RUSC2: variants seen among roughly 807,000 people sequenced by gnomAD.
RUSC2 encodes AP-4 complex accessory subunit RUSC2.
In RUSC2, 34 loss-of-function variants were observed where a neutral mutation model predicts 122.2. The ratio of observed to expected loss-of-function variants is 0.28; its 90% CI spans 0.21 to 0.37. The LOEUF (loss-of-function observed/expected upper bound fraction) is 0.37. Ranked by LOEUF, RUSC2 falls within the 10% of genes least tolerant of loss-of-function variation. The pLI, the probability that RUSC2 is intolerant of heterozygous loss-of-function variation, is 1.00. For synonymous variants in RUSC2, 784 were observed against 790.0 expected, an observed-to-expected ratio of 0.99 and a Z score of 0.13; for missense variants, 1,747 against 1,952.4, an observed-to-expected ratio of 0.89 and a Z score of 1.98.
intron 1 of RUSC2, among the ~76,000 whole-genome samples, chr9:35,493,723 G>C (rs10972494): frequency 0.17 from 26,480 of 151,912 alleles, 2,863 homozygotes; most frequent in East Asian, 0.34. Context: ...GGCTGGTCTC[G>C]AACTTCTGAC....
At chr9:35,499,674 T>C (rs1166798258) in intron 1 of RUSC2, among the ~76,000 whole-genome samples, 1 of 152,242 alleles carries the variant, frequency 6.6e-6, no homozygotes, top group Non-Finnish European at 1.5e-5. Context: ...TTAATTTATC[T>C]GTTTTTATAC....
intron 1 of RUSC2, among the ~76,000 whole-genome samples, chr9:35,519,142 G>A (rs1389842647): frequency 1.3e-5 from 2 of 152,204 alleles, no homozygotes; most frequent in East Asian, 1.9e-4. Context: ...CTTGCTTCCC[G>A]TAGAATCCAA....
In RUSC2 at chr9:35,555,310, C is replaced by A; in HGVS notation, c.2265C>A (p.Pro755=). The A allele has an allele frequency of 6.2e-7, 1 of 1,614,092 alleles. No individual in the cohort carries two copies. The change falls in exon 3 of 12, where the codon CCC becomes CCA. Residue 755 remains proline, a synonymous_variant. Transcript: ENST00000361226. The surrounding 1 kb of genome is among the most constrained non-coding windows in gnomAD (Gnocchi z 4.6). ...APSGEPQAST[P]RATGRGARKA... is the part of the protein sequence containing the mutation. ...CAGGGGAACCGCAGGCATCCACTCC[C>A]CGAGCCACTGGCAGAGGTGCCAGGA...
chr9:35,499,408 T>G (rs1180184699), intron 1 of RUSC2, among the ~76,000 whole-genome samples: 2 of 152,230 alleles, frequency 1.3e-5, no homozygotes, highest in Non-Finnish European at 2.9e-5. Context: ...TTTTGATACT[T>G]TAGGAAGAAA....
At chr9:35,514,486 G>T (rs1264932926) in intron 1 of RUSC2, among the ~76,000 whole-genome samples, 2 of 152,144 alleles carry the variant, frequency 1.3e-5, no homozygotes, top group Non-Finnish European at 2.9e-5. Flanking sequence ...GATATAAATA[G>T]ACTTCATTTG....
At position 35,556,076 on chromosome 9, in the gene RUSC2, C is replaced by T; in HGVS notation, c.2781C>T (p.Asn927=). 6.2e-7 allele frequency: 1 copy of T among 1,614,194 alleles called. No homozygotes were observed. Among genetic ancestry groups the T allele is most frequent in the Non-Finnish European group, 8.5e-7 (1 of 1,180,028 alleles). ...AAGAAGCTCGGCTGGCCCGAAGAAA[C>T]CCTATCTTTGAGTTCCCTGGCTCCC... The part of the protein sequence containing the change: ...RSQEARLARR[N]PIFEFPGSLS... Residue 927 remains asparagine (N), a synonymous_variant, in exon 4 of 12, where the codon AAC becomes AAT. Transcript: ENST00000361226.
intron 9 of RUSC2, 97 bp from the exon 10 acceptor site, chr9:35,559,932 C>A: frequency 3.0e-6 from 3 of 1,015,916 alleles, no homozygotes; most frequent in Non-Finnish European, 4.4e-6. Context: ...GCCTGCACCG[C>A]TGTCTGCAGC....
rs1822004261 is a variant in RUSC2, at chr9:35,555,809, A to G, written c.2656+108A>G. ...CTCTCACCTGGGGCCAGAGGTTAGG[A>G]TGTCTGCATCCCTCCCTCAGCATCT... On this transcript the variant is annotated intron_variant, in intron 3 of 11. Coordinates refer to ENST00000361226, the MANE Select transcript of RUSC2 (RefSeq NM_014806.5). This position sits in a 1 kb window ranked among gnomAD's most constrained non-coding sequence, Gnocchi z 4.6. The G allele has an allele frequency of 6.8e-7, 1 of 1,468,836 alleles. No individual in the cohort carries two copies. Among genetic ancestry groups the G allele is most frequent in the Non-Finnish European group, 9.1e-7 (1 of 1,093,520 alleles). 91.0% of individuals were successfully genotyped at this position (1,468,836 alleles called of 1,614,324 possible).
rs1483529827 is a variant in RUSC2 at position 35,555,897 on chromosome 9, T to C, written c.2657-55T>C. On this transcript the variant is annotated intron_variant, in intron 3 of 11. Coordinates refer to ENST00000361226, the MANE Select transcript of RUSC2 (RefSeq NM_014806.5). The surrounding 1 kb of genome is among the most constrained non-coding windows in gnomAD (Gnocchi z 4.6). ...GGCCCACTGGGTGGATGTGAAACTCTGTCTCGCTGTCTCCTGCCAACTCTT... is the reference window on the plus strand; with the variant it reads ...GGCCCACTGGGTGGATGTGAAACTCCGTCTCGCTGTCTCCTGCCAACTCTT... 1.9e-6 allele frequency: 3 copies of C among 1,580,920 alleles called. No individual in the cohort carries two copies. Among genetic ancestry groups the C allele is most frequent in the Non-Finnish European group, 2.6e-6 (3 of 1,159,890 alleles).
rs1053922191 is a variant in RUSC2, at chr9:35,558,191, C to T, written c.3061-6C>T. The T allele has an allele frequency of 1.9e-6, 3 of 1,611,530 alleles. No homozygotes were observed. The highest frequency in any genetic ancestry group is 2.7e-5 in the African/African-American group (2 of 74,908). Reference sequence around the variant, plus strand: ...GGTTTCCTGCACTTCCCTACCACACCTACAGGCAAAGCTGGGAAACAGTTC... The same window carrying T: ...GGTTTCCTGCACTTCCCTACCACACTTACAGGCAAAGCTGGGAAACAGTTC... On this transcript the variant is annotated splice_polypyrimidine_tract_variant and splice_region_variant and intron_variant, in intron 6 of 11. Coordinates refer to ENST00000361226, the MANE Select transcript of RUSC2 (RefSeq NM_014806.5). This position sits in a 1 kb window ranked among gnomAD's most constrained non-coding sequence, Gnocchi z 4.3.
intron 1 of RUSC2, among the ~76,000 whole-genome samples, chr9:35,490,796 C>T (rs1431034330): frequency 6.6e-6 from 1 of 152,200 alleles, no homozygotes; most frequent in Non-Finnish European, 1.5e-5. Context: ...ACTCACTTGC[C>T]GCGAAGGGCA....
Position 35,561,699 on chromosome 9 carries a change from T to TCTACA in RUSC2, c.*318_*322dup. 1.9e-6 allele frequency: 1 copy of TCTACA among 530,404 alleles called. No individual in the cohort carries two copies. The highest frequency in any genetic ancestry group is 3.3e-6 in the Non-Finnish European group (1 of 301,446). The allele number at this position is 530,404 out of a possible 1,614,324, so 32.9% of individuals were successfully genotyped here. ...TGGAGGCGGGTGGCCCAGAAAGCCA[T>TCTACA]CTACAGGGTTCCCTAGGCCAGGTGG... On this transcript the variant is annotated 3_prime_UTR_variant, in exon 12 of 12. Coordinates refer to ENST00000361226, the MANE Select transcript of RUSC2 (RefSeq NM_014806.5).
chr9:35,547,839 A>C lies in RUSC2; in HGVS notation c.1318A>C (p.Ser440Arg). Residue 440 changes from serine (S) to arginine (R), a missense_variant, in exon 2 of 12, where the codon AGC becomes CGC. Physicochemically the swap from Ser to Arg is moderately radical, Grantham distance 110. Transcript: ENST00000361226. The surrounding 1 kb of genome is among the most constrained non-coding windows in gnomAD (Gnocchi z 4.6). ...AGGCCCTGGCCCAGACCCAGGCCCC[A>C]GCCAGCCCTCTGAGTATTACCTATT... is the stretch of plus-strand genomic sequence containing the variant. ...PPGPGPDPGP[S>R]QPSEYYLFQK... 1.9e-6 allele frequency: 3 copies of C among 1,614,046 alleles called. No individual in the cohort carries two copies. Among genetic ancestry groups the C allele is most frequent in the Non-Finnish European group, 2.5e-6 (3 of 1,180,014 alleles).
At chr9:35,543,095 G>A (rs559306136) in intron 1 of RUSC2, among the ~76,000 whole-genome samples, 2 of 152,170 alleles carry the variant, frequency 1.3e-5, no homozygotes, top group South Asian at 4.2e-4. Context: ...CAGGGGAAAC[G>A]TAGTTATGTA....
intron 1 of RUSC2, among the ~76,000 whole-genome samples, chr9:35,511,584 T>G (rs1438773428): frequency 6.6e-6 from 1 of 152,168 alleles, no homozygotes; most frequent in African/African-American, 2.4e-5. Flanking sequence ...AAGAAATGTT[T>G]CCAGTTTATT....
chr9:35,560,349 G>A lies in RUSC2; in HGVS notation c.3709G>A (p.Gly1237Ser). The A allele has an allele frequency of 6.2e-7, 1 of 1,611,690 alleles. No individual in the cohort carries two copies. The highest frequency in any genetic ancestry group is 8.5e-7 in the Non-Finnish European group (1 of 1,178,670). ...ERVKGVGASE[G>S]GEEEEEEEET... is the part of the protein sequence containing the mutation. ...GGTGAAGGGTGTGGGTGCCTCAGAA[G>A]GTGGAGAAGAGGAAGAGGAAGAAGA... is the stretch of plus-strand genomic sequence containing the variant. The change falls in exon 10 of 12, where the codon GGT (glycine) becomes AGT (serine). Residue 1237 changes from glycine (G) to serine (S), a missense_variant. Transcript: ENST00000361226.
intron 1 of RUSC2, among the ~76,000 whole-genome samples, chr9:35,519,599 G>T (rs1821173884): frequency 6.6e-6 from 1 of 152,126 alleles, no homozygotes; most frequent in Non-Finnish European, 1.5e-5. Flanking sequence ...AGGAAAAAAA[G>T]GAATGTGACC....
At chr9:35,501,783 CTTAA>C in intron 1 of RUSC2, among the ~76,000 whole-genome samples, 1 of 152,210 alleles carries the variant, frequency 6.6e-6, no homozygotes, top group Non-Finnish European at 1.5e-5. Flanking sequence ...AATCCTTAGC[CTTAA>C]TTAATTTAAT....
Position 35,555,078 on chromosome 9 carries a change from G to T in RUSC2, c.2033G>T (p.Arg678Leu). ...ARADGGGTES[R>L]PVLRYSKEQR... is the part of the protein sequence containing the mutation. Reference sequence around the variant, plus strand: ...GCTACAGGGGGTGGCACCGAGAGCCGACCAGTCCTTCGCTACAGCAAGGAA... The same window carrying T: ...GCTACAGGGGGTGGCACCGAGAGCCTACCAGTCCTTCGCTACAGCAAGGAA... The change falls in exon 3 of 12, where the codon CGA becomes CTA. Residue 678 changes from arginine to leucine, a missense_variant. Coordinates refer to ENST00000361226, the MANE Select transcript of RUSC2 (RefSeq NM_014806.5). The surrounding 1 kb of genome is among the most constrained non-coding windows in gnomAD (Gnocchi z 4.6). The T allele has an allele frequency of 1.2e-6, 2 of 1,612,536 alleles. No homozygotes were observed. Among genetic ancestry groups the T allele is most frequent in the Non-Finnish European group, 8.5e-7 (1 of 1,179,982 alleles).
Sources: allele counts gnomAD v4.1 joint callset (sites outside exome capture counted in the v4.1 genomes callset), GRCh38; gene constraint gnomAD v4.1.1; non-coding constraint Gnocchi (gnomAD v3.1); transcripts MANE v1.5; gene names NCBI Gene and HGNC (gene_info 2026-07-23, HGNC 2026-07-21).